SLC16A12: variants seen among roughly 807,000 people sequenced by gnomAD.
The protein encoded by SLC16A12 is monocarboxylate transporter 12.
In SLC16A12, 17 loss-of-function variants were observed where a neutral mutation model predicts 42.4. The observed-to-expected ratio is 0.40, with a 90% CI of 0.27 to 0.60. The LOEUF (loss-of-function observed/expected upper bound fraction) is 0.60, where lower values mean the gene tolerates loss of function less well. Ranked by LOEUF, SLC16A12 falls within the 20% of genes least tolerant of loss-of-function variation. The pLI, the probability that SLC16A12 is intolerant of heterozygous loss-of-function variation, is 0.42. For missense variants in SLC16A12, 544 were observed against 623.0 expected (o/e 0.87, Z 1.35); for synonymous variants, 224 against 229.4 (o/e 0.98, Z 0.21).
At chr10:89,445,555 T>C (rs935138950) in intron 3 of SLC16A12, among the ~76,000 whole-genome samples, 1 of 152,000 alleles carries the variant, frequency 6.6e-6, no homozygotes, top group Non-Finnish European at 1.5e-5. Context: ...ACGAATAACA[T>C]CAACGTCAAC....
intron 6 of SLC16A12, among the ~76,000 whole-genome samples, chr10:89,436,862 T>G (rs796678310): frequency 0.065 from 3,147 of 48,186 alleles, 127 homozygotes; most frequent in African/African-American, 0.19. Context: ...AAGAAAGAAA[T>G]AAAGAAAAAG....
chr10:89,453,309 C>T (rs1312734490), intron 3 of SLC16A12, among the ~76,000 whole-genome samples: 1 of 152,150 alleles, frequency 6.6e-6, no homozygotes. Flanking sequence ...TTAAAAATTG[C>T]TAGTCTAATA....
At chr10:89,437,742 A>T (rs1190965167) in intron 6 of SLC16A12, among the ~76,000 whole-genome samples, 2 of 152,184 alleles carry the variant, frequency 1.3e-5, no homozygotes, top group Non-Finnish European at 2.9e-5. Context: ...GAGAAGCTAC[A>T]TGATGGTATT....
At chr10:89,538,449 A>T (rs1843693914), upstream of SLC16A12, among the ~76,000 whole-genome samples, 1 of 152,152 alleles carries the variant, frequency 6.6e-6, no homozygotes, top group African/African-American at 2.4e-5. Flanking sequence ...TCACCTTTCA[A>T]GTGCTTCACT....
At chr10:89,519,703 T>C (rs1843318154) in intron 2 of SLC16A12, among the ~76,000 whole-genome samples, 1 of 151,378 alleles carries the variant, frequency 6.6e-6, no homozygotes, top group African/African-American at 2.4e-5. Flanking sequence ...GGCTGAACCA[T>C]GGAAACATCA....
At chr10:89,509,246 G>A (rs961075314) in intron 2 of SLC16A12, among the ~76,000 whole-genome samples, 1 of 152,150 alleles carries the variant, frequency 6.6e-6, no homozygotes. Context: ...CTCATTTTAT[G>A]AGGCCAGCAT....
chr10:89,556,241 G>T (rs1843815225), intron 1 of SLC16A12, among the ~76,000 whole-genome samples: 1 of 152,054 alleles, frequency 6.6e-6, no homozygotes, highest in Non-Finnish European at 1.5e-5. Context: ...TAAATAATTT[G>T]CAGAAGATCA....
Position 89,503,172 on chromosome 10 carries a change from T to G in SLC16A12, c.-47+31329A>C, listed in dbSNP as rs925742085. On this transcript the variant is annotated intron_variant, in intron 2 of 7. Transcript: ENST00000371790. Reference sequence around the variant, plus strand: ...ATTGTAAACACATCAGAGTCACTTATTCCTCACATAATTGACTCCTACCTT... The same window carrying G: ...ATTGTAAACACATCAGAGTCACTTAGTCCTCACATAATTGACTCCTACCTT... 5.3e-5 allele frequency among the ~76,000 whole-genome samples: 8 copies of G among 152,236 alleles called. No individual in the cohort carries two copies. In the East Asian group the frequency reaches 1.5e-3, roughly 29 times the overall value.
chr10:89,492,016 A>G (rs1842854435), intron 2 of SLC16A12, among the ~76,000 whole-genome samples: 1 of 152,258 alleles, frequency 6.6e-6, no homozygotes, highest in Non-Finnish European at 1.5e-5. Flanking sequence ...TAGATTATGG[A>G]AAAGTTTAGA....
intron 2 of SLC16A12, among the ~76,000 whole-genome samples, chr10:89,505,375 A>G (rs1190933586): frequency 1.3e-5 from 2 of 151,934 alleles, no homozygotes; most frequent in Admixed American, 1.3e-4. Flanking sequence ...AGATCATGCC[A>G]CTGCACTCCT....
intron 2 of SLC16A12, among the ~76,000 whole-genome samples, chr10:89,516,329 C>T (rs564998083): frequency 6.6e-6 from 1 of 152,182 alleles, no homozygotes; most frequent in Non-Finnish European, 1.5e-5. Context: ...TGTCACCACT[C>T]GGCTACTTCA....
intron 2 of SLC16A12, among the ~76,000 whole-genome samples, chr10:89,543,958 C>T (rs1419405527): frequency 2.0e-5 from 3 of 152,200 alleles, no homozygotes; most frequent in African/African-American, 7.2e-5. Context: ...AGCTATTTGA[C>T]GGCAGTAACT....
chr10:89,482,791 A>AC (rs1411503071), intron 2 of SLC16A12, among the ~76,000 whole-genome samples: 2 of 152,182 alleles, frequency 1.3e-5, no homozygotes, highest in Non-Finnish European at 2.9e-5. Context: ...CTAAAAAAAA[A>AC]AAAAAATGTC....
rs79276500 is a variant in SLC16A12, at chr10:89,453,039, C to T, written c.201-9180G>A. Among the ~76,000 whole-genome samples, 31 of 152,298 alleles carry T rather than the reference C, an allele frequency of 2.0e-4. 1 individual carries two copies. In the East Asian group the frequency reaches 5.4e-3, roughly 27 times the overall value. On this transcript the variant is annotated intron_variant, in intron 3 of 7. Transcript: ENST00000371790. ...ACCGCAGTCCCATTCTTGTATGCCA[C>T]ACGAATGCTCTATGTAATTCTCTGT... is the stretch of plus-strand genomic sequence containing the variant.
intron 2 of SLC16A12, among the ~76,000 whole-genome samples, chr10:89,492,086 GT>G (rs1842855527): frequency 6.6e-6 from 1 of 152,154 alleles, no homozygotes; most frequent in Non-Finnish European, 1.5e-5. Context: ...AGAAGATGTT[GT>G]CACCTTTGAG....
rs567248519 is a variant in SLC16A12 at position 89,483,152 on chromosome 10, C to T, written c.-46-20528G>A. On this transcript the variant is annotated intron_variant, in intron 2 of 7. Coordinates refer to ENST00000371790, the MANE Select transcript of SLC16A12 (RefSeq NM_213606.4). ...ACGTGGCCTTTCTTGAGTGCATGTG[C>T]ATGTGCTGGAGGAGAGGGGGTGTGA... 5.9e-5 allele frequency among the ~76,000 whole-genome samples: 9 copies of T among 152,226 alleles called. No homozygotes were observed. The South Asian group carries it at 1.2e-3, about 21-fold the overall frequency.
intron 2 of SLC16A12, among the ~76,000 whole-genome samples, chr10:89,526,224 A>G (rs1287634592): frequency 2.0e-5 from 3 of 152,200 alleles, no homozygotes; most frequent in Non-Finnish European, 4.4e-5. Context: ...AAAATATGAA[A>G]TGCAAACTTC....
rs1013436452 is a variant in SLC16A12 at position 89,436,076 on chromosome 10, C to T, written c.1272G>A (p.Val424=). 1.9e-6 allele frequency: 3 copies of T among 1,613,852 alleles called. No individual in the cohort carries two copies. The highest frequency in any genetic ancestry group is 1.1e-5 in the South Asian group (1 of 91,062). The change falls in exon 7 of 8, where the codon GTG becomes GTA. Residue 424 remains valine (V), a synonymous_variant. Coordinates refer to ENST00000371790, the MANE Select transcript of SLC16A12 (RefSeq NM_213606.4). The part of the protein sequence containing the change: ...VYFLHAVPYL[V]SPPIAGRLVD... Reference sequence around the variant, plus strand: ...GAAACTTACCTGCGATGGGTGGGCTCACCAAGTATGGCACTGCGTGAAGGA... The same window carrying T: ...GAAACTTACCTGCGATGGGTGGGCTTACCAAGTATGGCACTGCGTGAAGGA...
intron 2 of SLC16A12, among the ~76,000 whole-genome samples, chr10:89,483,168 G>C (rs1842693189): frequency 6.6e-6 from 1 of 152,112 alleles, no homozygotes; most frequent in African/African-American, 2.4e-5. Context: ...CTGGAGGAGA[G>C]GGGGTGTGAG....
Sources: allele counts gnomAD v4.1 joint callset (sites outside exome capture counted in the v4.1 genomes callset), GRCh38; gene constraint gnomAD v4.1.1; transcripts MANE v1.5; gene names NCBI Gene and HGNC (gene_info 2026-07-23, HGNC 2026-07-21).